IL1RAPL1: variants seen among roughly 807,000 people sequenced by gnomAD.
IL1RAPL1 encodes the protein interleukin 1 receptor accessory protein like 1.
IL1RAPL1 carries 3 observed loss-of-function variants against 48.4 expected under a neutral mutation model. The observed-to-expected ratio is 0.06, with a 90% CI of 0.03 to 0.16. The LOEUF is 0.16. Among genes scored for constraint, IL1RAPL1 ranks in the 10% least tolerant of loss-of-function variants. The pLI, the probability that IL1RAPL1 is intolerant of heterozygous loss-of-function variation, is 1.00. For synonymous variants in IL1RAPL1, 185 were observed against 187.7 expected, an observed-to-expected ratio of 0.99 and a Z score of 0.12; for missense variants, 349 against 530.6, an observed-to-expected ratio of 0.66 and a Z score of 3.36.
intron 5 of IL1RAPL1, among the ~76,000 whole-genome samples, chrX:29,600,147 AG>A (rs1923673137): frequency 8.9e-6 from 1 of 112,152 alleles, no homozygotes; most frequent in African/African-American, 3.2e-5. Context: ...TCATTTGGGT[AG>A]ACTGTGTCAG....
Position 29,037,392 on chromosome X carries a change from G to A in IL1RAPL1, c.83-245546G>A, listed in dbSNP as rs189067111. The stretch of plus-strand genomic sequence containing the variant: ...TTAGTTCCTAGATAGGGAGGAGCAG[G>A]ATTTTTCTCCTCTTGCTTAACTGGT... On this transcript the variant is annotated intron_variant, in intron 2 of 10. Coordinates refer to ENST00000378993, the MANE Select transcript of IL1RAPL1 (RefSeq NM_014271.4). Among the ~76,000 whole-genome samples the A allele has an allele frequency of 9.0e-5, 10 of 111,301 alleles. No individual in the cohort carries two copies. In the Admixed American group the frequency reaches 9.6e-4, roughly 11 times the overall value.
chrX:28,821,198 A>G (rs1362587511), intron 2 of IL1RAPL1, among the ~76,000 whole-genome samples: 1 of 112,017 alleles, frequency 8.9e-6, no homozygotes, highest in Non-Finnish European at 1.9e-5. Context: ...CATTTACTTG[A>G]ATTTAGATTT....
At chrX:29,775,964 C>T (rs962890105) in intron 6 of IL1RAPL1, among the ~76,000 whole-genome samples, 6 of 111,053 alleles carry the variant, frequency 5.4e-5, no homozygotes, top group Non-Finnish European at 7.5e-5. Flanking sequence ...ACTCTAATAA[C>T]ATCCTTTTGC....
chrX:28,982,326 A>G (rs913893678), intron 2 of IL1RAPL1, among the ~76,000 whole-genome samples: 3 of 112,194 alleles, frequency 2.7e-5, no homozygotes, highest in African/African-American at 6.5e-5. Flanking sequence ...GAACCCACCA[A>G]TGGGCACTAG....
chrX:29,915,024 G>A (rs1333823615), intron 6 of IL1RAPL1, among the ~76,000 whole-genome samples: 1 of 108,054 alleles, frequency 9.3e-6, no homozygotes, highest in Non-Finnish European at 1.9e-5. Context: ...GGCTGGACGT[G>A]GTGGCTCACG....
At chrX:29,160,918 C>G (rs754559706) in intron 2 of IL1RAPL1, among the ~76,000 whole-genome samples, 10 of 111,269 alleles carry the variant, frequency 9.0e-5, no homozygotes, top group Non-Finnish European at 1.5e-4. Context: ...GCCAGGCAGG[C>G]GTGGTGGTGC....
intron 2 of IL1RAPL1, among the ~76,000 whole-genome samples, chrX:28,798,946 A>G (rs1936644011): frequency 8.9e-6 from 1 of 112,008 alleles, no homozygotes; most frequent in Non-Finnish European, 1.9e-5. Flanking sequence ...CACTCCACAC[A>G]TATACTTTCA....
chrX:29,216,156 T>A (rs1489342441), intron 2 of IL1RAPL1, among the ~76,000 whole-genome samples: 1 of 111,496 alleles, frequency 9.0e-6, no homozygotes, highest in Non-Finnish European at 1.9e-5. Flanking sequence ...GTTTCTTTGT[T>A]TTTTTGTTGT....
At chrX:29,297,620 G>A (rs1357939405) in intron 3 of IL1RAPL1, among the ~76,000 whole-genome samples, 1 of 111,740 alleles carries the variant, frequency 8.9e-6, no homozygotes, top group African/African-American at 3.2e-5. Flanking sequence ...TCACTGTAGG[G>A]GTTGCTTAGT....
At chrX:29,802,979 A>ACATGTGTACATATATATGTATG (rs1930025541) in intron 6 of IL1RAPL1, among the ~76,000 whole-genome samples, 1 of 80,475 alleles carries the variant, frequency 1.2e-5, no homozygotes, top group Non-Finnish European at 2.3e-5. Flanking sequence ...ATATATACAT[A>ACATGTGTACATATATATGTATG]CATGTGTACA....
chrX:28,725,318 A>G (rs994891560), intron 1 of IL1RAPL1, among the ~76,000 whole-genome samples: 1 of 111,651 alleles, frequency 9.0e-6, no homozygotes, highest in Non-Finnish European at 1.9e-5. Flanking sequence ...GAAAAACAAG[A>G]ATTCACTGGA....
intron 2 of IL1RAPL1, among the ~76,000 whole-genome samples, chrX:29,174,617 A>G (rs1929971604): frequency 1.8e-5 from 2 of 111,920 alleles, no homozygotes; most frequent in African/African-American, 6.5e-5. Context: ...GTAGATTTAT[A>G]GTAAAAACCA....
chrX:29,300,923 A>T (rs1932524794), intron 3 of IL1RAPL1, among the ~76,000 whole-genome samples: 1 of 111,780 alleles, frequency 8.9e-6, no homozygotes, highest in African/African-American at 3.3e-5. Context: ...TGGAGGAAAT[A>T]ACATTTTTGT....
At chrX:28,639,655 C>A (rs197008) in intron 1 of IL1RAPL1, among the ~76,000 whole-genome samples, 44,026 of 110,233 alleles carry the variant, frequency 0.4, 6,545 homozygotes, top group South Asian at 0.55. Flanking sequence ...CAGGAAATAC[C>A]AGTGAAGGAT....
intron 2 of IL1RAPL1, among the ~76,000 whole-genome samples, chrX:29,280,552 T>G (rs1932185401): frequency 8.9e-6 from 1 of 112,258 alleles, no homozygotes; most frequent in African/African-American, 3.2e-5. Context: ...TCTTCAACTG[T>G]ATAATTTGGT....
intron 6 of IL1RAPL1, among the ~76,000 whole-genome samples, chrX:29,873,668 C>T (rs1003744627): frequency 9.0e-6 from 1 of 111,682 alleles, no homozygotes; most frequent in Non-Finnish European, 1.9e-5. Flanking sequence ...TATAAGCCAC[C>T]GACTTTGTGG....
chrX:29,123,535 G>A (rs1928840772), intron 2 of IL1RAPL1, among the ~76,000 whole-genome samples: 1 of 112,283 alleles, frequency 8.9e-6, no homozygotes, highest in African/African-American at 3.2e-5. Flanking sequence ...TGTGGGCAAT[G>A]TATATGGATA....
chrX:29,781,678 A>C (rs1013741043), intron 6 of IL1RAPL1, among the ~76,000 whole-genome samples: 2 of 111,881 alleles, frequency 1.8e-5, no homozygotes, highest in Non-Finnish European at 3.8e-5. Flanking sequence ...CCTTAAAATC[A>C]CTTGAAAACT....
chrX:29,230,522 A>AAAAACAAAC (rs1555978820), intron 2 of IL1RAPL1, among the ~76,000 whole-genome samples: 59 of 90,826 alleles, frequency 6.5e-4, no homozygotes, highest in African/African-American at 2.3e-3. Context: ...AAAAAAAAAA[A>AAAAACAAAC]AAAAAAAAAA....
Sources: allele counts gnomAD v4.1 joint callset (sites outside exome capture counted in the v4.1 genomes callset), GRCh38; gene constraint gnomAD v4.1.1; transcripts MANE v1.5; gene names NCBI Gene and HGNC (gene_info 2026-07-23, HGNC 2026-07-21).